SSBP2: variants seen among roughly 807,000 people sequenced by gnomAD.
SSBP2 encodes single stranded DNA binding protein 2.
Under a neutral mutation model 61.8 loss-of-function variants are expected in SSBP2, and 17 were observed. That is an observed-to-expected ratio of 0.28 (90% CI 0.19 to 0.41). The LOEUF (loss-of-function observed/expected upper bound fraction) is 0.41, where lower values mean the gene tolerates loss of function less well. Among genes scored for constraint, SSBP2 ranks in the 10% least tolerant of loss-of-function variants. The probability of loss-of-function intolerance (pLI) is 1.00; values close to 1 mark genes in which losing one functional copy is unlikely to be tolerated. For synonymous variants in SSBP2, 139 were observed against 141.3 expected (o/e 0.98, Z 0.12); for missense variants, 310 against 458.7 (o/e 0.68, Z 2.96).
At chr5:81,482,501 G>C (rs987190517) in intron 6 of SSBP2, among the ~76,000 whole-genome samples, 13 of 152,178 alleles carry the variant, frequency 8.5e-5, no homozygotes, top group African/African-American at 2.9e-4. Flanking sequence ...ATCAGGACTT[G>C]CGGCTTCACC....
At position 81,653,998 on chromosome 5, in the gene SSBP2, G is replaced by T. The variant is rs865818263; in HGVS notation, c.63-3659C>A. ...TTTTAAGTTTGGTGTTTTTTGTTTTGTTTTTTTTTTTGAGACAGGGTCTTG... is the reference window on the plus strand; with the variant it reads ...TTTTAAGTTTGGTGTTTTTTGTTTTTTTTTTTTTTTTGAGACAGGGTCTTG... On this transcript the variant is annotated intron_variant, in intron 1 of 16. Coordinates refer to ENST00000320672, the MANE Select transcript of SSBP2 (RefSeq NM_012446.5). Among the ~76,000 whole-genome samples the T allele has an allele frequency of 4.1e-3, 606 of 146,380 alleles. 3 individuals are homozygous for T. The highest frequency in any genetic ancestry group is 0.013 in the African/African-American group (529 of 39,646).
chr5:81,498,040 T>A (rs772939332), intron 5 of SSBP2, among the ~76,000 whole-genome samples: 1 of 152,102 alleles, frequency 6.6e-6, no homozygotes, highest in Non-Finnish European at 1.5e-5. Flanking sequence ...ACCTAACGTT[T>A]TAGGTTGAAA....
chr5:81,702,821 T>C (rs1439009906), intron 1 of SSBP2, among the ~76,000 whole-genome samples: 1 of 152,124 alleles, frequency 6.6e-6, no homozygotes, highest in Non-Finnish European at 1.5e-5. Flanking sequence ...TCATTGCCTT[T>C]AGCCAGCTAA....
intron 4 of SSBP2, among the ~76,000 whole-genome samples, chr5:81,597,778 T>C (rs1295841355): frequency 6.9e-6 from 1 of 145,324 alleles, no homozygotes; most frequent in Non-Finnish European, 1.5e-5. Context: ...AAACACCGCA[T>C]GTTCTCACTC....
intron 3 of SSBP2, among the ~76,000 whole-genome samples, chr5:81,636,261 G>T (rs930717778): frequency 5.3e-5 from 8 of 152,122 alleles, no homozygotes; most frequent in Admixed American, 1.3e-4. Flanking sequence ...GTAAAATTCT[G>T]CTGTTTAAGC....
chr5:81,646,628 T>A (rs1481499154), intron 2 of SSBP2, among the ~76,000 whole-genome samples: 2 of 140,780 alleles, frequency 1.4e-5, no homozygotes, highest in Non-Finnish European at 3.1e-5. Flanking sequence ...TTTTTTTTTT[T>A]ACCATCCATG....
intron 10 of SSBP2, among the ~76,000 whole-genome samples, chr5:81,452,518 T>C (rs1763844765): frequency 1.3e-5 from 2 of 152,146 alleles, no homozygotes; most frequent in Admixed American, 1.3e-4. Flanking sequence ...TGGCAAGAGA[T>C]GATAAAGAGT....
chr5:81,593,155 T>C (rs539438632), intron 4 of SSBP2, among the ~76,000 whole-genome samples: 8 of 152,102 alleles, frequency 5.3e-5, no homozygotes, highest in African/African-American at 1.9e-4. Context: ...AAGGACCTGA[T>C]GGAGATGAAA....
At chr5:81,490,181 A>G (rs940634381) in intron 5 of SSBP2, among the ~76,000 whole-genome samples, 14 of 152,134 alleles carry the variant, frequency 9.2e-5, no homozygotes, top group Non-Finnish European at 1.6e-4. Flanking sequence ...TGGATGAGTC[A>G]GAGGCTCCTA....
intron 4 of SSBP2, among the ~76,000 whole-genome samples, chr5:81,584,126 T>C (rs1013229130): frequency 1.3e-5 from 2 of 152,162 alleles, no homozygotes; most frequent in Non-Finnish European, 2.9e-5. Context: ...TATAGAGCTA[T>C]TCATTAATAA....
chr5:81,734,828 G>A (rs1016652141), intron 1 of SSBP2, among the ~76,000 whole-genome samples: 12 of 151,906 alleles, frequency 7.9e-5, no homozygotes, highest in African/African-American at 1.5e-4. Flanking sequence ...AAAACTAGCC[G>A]GGCGTGGAGG....
chr5:81,437,612 A>G (rs1430192558), intron 14 of SSBP2, 154 bp from the exon 15 acceptor site: 4 of 605,374 alleles, frequency 6.6e-6, no homozygotes, highest in South Asian at 2.3e-5. Flanking sequence ...CTTCTTTTAT[A>G]CAGTATAGTG....
At chr5:81,454,635 T>C (rs1764007502) in intron 10 of SSBP2, among the ~76,000 whole-genome samples, 4 of 151,780 alleles carry the variant, frequency 2.6e-5, no homozygotes, top group Admixed American at 2.0e-4. Flanking sequence ...GAGCCGAGAT[T>C]GTGCCACTGC....
Position 81,453,456 on chromosome 5 carries a change from C to CT in SSBP2, c.688-4632dup, listed in dbSNP as rs34761912. Among the ~76,000 whole-genome samples the CT allele has an allele frequency of 3.6e-3, 401 of 112,102 alleles. 4 individuals are homozygous for CT. The highest frequency in any genetic ancestry group is 5.3e-3 in the Non-Finnish European group (304 of 57,816). 73.5% of individuals were successfully genotyped at this position (112,102 alleles called of 152,430 possible). On this transcript the variant is annotated intron_variant, in intron 10 of 16. Coordinates refer to ENST00000320672, the MANE Select transcript of SSBP2 (RefSeq NM_012446.5). ...AGGAAATATCTAAACTGGGTTTATT[C>CT]TTTTTTTTTTTTTTTTTTTTGAGAC... is the stretch of plus-strand genomic sequence containing the variant.
At chr5:81,704,240 A>G (rs1212225542) in intron 1 of SSBP2, among the ~76,000 whole-genome samples, 3 of 152,152 alleles carry the variant, frequency 2.0e-5, no homozygotes, top group African/African-American at 7.2e-5. Flanking sequence ...GGCTTTCACT[A>G]TCTCTACTTC....
At chr5:81,640,457 G>C (rs967253202) in intron 2 of SSBP2, among the ~76,000 whole-genome samples, 5 of 152,030 alleles carry the variant, frequency 3.3e-5, no homozygotes. Flanking sequence ...CAATAAACCA[G>C]AACACATCAT....
intron 3 of SSBP2, among the ~76,000 whole-genome samples, chr5:81,628,907 A>T (rs1747437222): frequency 6.6e-6 from 1 of 151,990 alleles, no homozygotes; most frequent in African/African-American, 2.4e-5. Flanking sequence ...TCTCTTTTTC[A>T]TACATCTTCA....
intron 1 of SSBP2, among the ~76,000 whole-genome samples, chr5:81,730,722 C>T (rs892034684): frequency 6.6e-6 from 1 of 151,980 alleles, no homozygotes; most frequent in South Asian, 2.1e-4. Context: ...AAAAGAAATA[C>T]AATCTGGTAG....
intron 1 of SSBP2, among the ~76,000 whole-genome samples, chr5:81,656,495 G>A (rs539937378): frequency 4.6e-5 from 7 of 151,928 alleles, no homozygotes; most frequent in Non-Finnish European, 8.8e-5. Flanking sequence ...GAGGTTTCTG[G>A]GGGAACAGGT....
Sources: gnomAD v4.1 joint callset for allele counts (sites outside exome capture counted in the v4.1 genomes callset) on GRCh38, gnomAD v4.1.1 for gene constraint, MANE v1.5 for transcripts, NCBI Gene and HGNC (gene_info 2026-07-23, HGNC 2026-07-21) for gene names.